Variants in SEC16A observed in about 807,000 individuals in gnomAD.
The protein encoded by SEC16A is protein transport protein Sec16A.
SEC16A carries 110 observed loss-of-function variants against 221.9 expected under a neutral mutation model. The ratio of observed to expected loss-of-function variants is 0.50; its 90% confidence interval spans 0.42 to 0.58. The LOEUF (loss-of-function observed/expected upper bound fraction) is 0.58. Among genes scored for constraint, SEC16A ranks in the 20% least tolerant of loss-of-function variants. SEC16A has a pLI of 0.00. For missense variants in SEC16A, 3,165 were observed against 3,097.8 expected (o/e 1.02, Z -0.52); for synonymous variants, 1,393 against 1,257.7 (o/e 1.11, Z -2.28).
At position 136,445,630 on chromosome 9, in the gene SEC16A, G is replaced by A. The variant is rs1361392745; in HGVS notation, c.6867+15C>T. The A allele has an allele frequency of 1.0e-5, 16 of 1,546,170 alleles. No individual in the cohort carries two copies. The highest frequency in any genetic ancestry group is 7.3e-5 in the East Asian group (3 of 40,900). ...GGCCTGGGCTGCGGGGGGCCCTGGCGTCGGCACTCCTTACCTCTCCTCCCT... is the reference window on the plus strand; with the variant it reads ...GGCCTGGGCTGCGGGGGGCCCTGGCATCGGCACTCCTTACCTCTCCTCCCT... On this transcript the variant is annotated intron_variant, in intron 29 of 31. Transcript: ENST00000684901.
At chr9:136,445,496 T>TC in intron 29 of SEC16A, 149 bp downstream of exon 29, 1 of 661,520 alleles carries the variant, frequency 1.5e-6, no homozygotes, top group East Asian at 2.8e-5. Flanking sequence ...CAATTTTTTT[T>TC]CCCCCAGGAA....
In SEC16A at chr9:136,456,162, G is replaced by C; in HGVS notation, c.5555C>G (p.Ala1852Gly). 1 of 1,611,376 alleles carries C rather than the reference G, an allele frequency of 6.2e-7. No individual in the cohort carries two copies. The highest frequency in any genetic ancestry group is 8.5e-7 in the Non-Finnish European group (1 of 1,179,172). The change falls in exon 19 of 32, where the codon GCT becomes GGT. Residue 1852 changes from alanine to glycine, a missense_variant. Around this residue, in one of 3 missense-constraint regions of SEC16A, gnomAD observed 1,088 missense variants for 1,089.6 expected, o/e 1.00. Transcript: ENST00000684901. ...GGGATCGAAGAGTCGTAACTGGGAA[G>C]CCATCTAGACACGGGCAAAAATCAA... ...PVLISQLVQM[A>G]SQLRLFDPQL...
rs73670276 is a variant in SEC16A, at chr9:136,461,356, C to A, written c.4894-82G>T. 172 of 997,408 alleles carry A rather than the reference C, an allele frequency of 1.7e-4. No individual in the cohort carries two copies. The African/African-American group carries it at 2.4e-3, about 14-fold the overall frequency. The allele number at this position is 997,408 out of a possible 1,614,324, so 61.8% of individuals were successfully genotyped here. On this transcript the variant is annotated intron_variant, in intron 12 of 31. Coordinates refer to ENST00000684901, the MANE Select transcript of SEC16A (RefSeq NM_014866.2). ...AGTCAAGACAGGCCATGTGTCCTCA[C>A]GCAGCAGCAGATACACAAACAACCC...
rs768367824 is a variant in SEC16A at position 136,445,011 on chromosome 9, C to T, written c.6927+41G>A. 4.5e-6 allele frequency: 7 copies of T among 1,571,440 alleles called. No individual in the cohort carries two copies. The Admixed American group carries it at 7.2e-5, about 16-fold the overall frequency. ...CGTGCTCAGGAACACAGGCGGCACACGCCAGCTCTCATGTTAGTGAGGACC... is the reference window on the plus strand; with the variant it reads ...CGTGCTCAGGAACACAGGCGGCACATGCCAGCTCTCATGTTAGTGAGGACC... On this transcript the variant is annotated intron_variant, in intron 30 of 31. Transcript: ENST00000684901.
Position 136,471,988 on chromosome 9 carries a change from G to T in SEC16A, c.3691C>A (p.Arg1231=). 1.2e-6 allele frequency: 2 copies of T among 1,612,126 alleles called. No individual in the cohort carries two copies. Among genetic ancestry groups the T allele is most frequent in the Admixed American group, 1.7e-5 (1 of 60,024 alleles). Reference sequence around the variant, plus strand: ...GCGCGGCCGCACCTGGGAGGTGGCCGTTCCGAGGAGTGGCTGGCTCGGGAG... The same window carrying T: ...GCGCGGCCGCACCTGGGAGGTGGCCTTTCCGAGGAGTGGCTGGCTCGGGAG... The part of the protein sequence containing the change: ...PSSRASHSSE[R]PPPRQGYPEG... Residue 1231 remains arginine (R), a synonymous_variant, in exon 4 of 32, where the codon CGG becomes AGG. Coordinates refer to ENST00000684901, the MANE Select transcript of SEC16A (RefSeq NM_014866.2).
In SEC16A at chr9:136,461,248, A is replaced by G; in HGVS notation, c.4920T>C (p.Asn1640=). 6.2e-7 allele frequency: 1 copy of G among 1,608,392 alleles called. No homozygotes were observed. Among genetic ancestry groups the G allele is most frequent in the Non-Finnish European group, 8.5e-7 (1 of 1,177,506 alleles). The change falls in exon 13 of 32, where the codon AAT becomes AAC. Residue 1640 remains asparagine (N), a synonymous_variant. Coordinates refer to ENST00000684901, the MANE Select transcript of SEC16A (RefSeq NM_014866.2). ...KKDALESAMK[N]GLWGHALLLA... is the part of the protein sequence containing the mutation. Reference sequence around the variant, plus strand: ...GTAGCAGAGCGTGACCCCACAGGCCATTCTTCATTGCAGACTCCAAAGCAT... The same window carrying G: ...GTAGCAGAGCGTGACCCCACAGGCCGTTCTTCATTGCAGACTCCAAAGCAT...
chr9:136,453,513 G>A lies in SEC16A; in HGVS notation c.6077-3C>T, dbSNP rs765129925. 6.2e-7 allele frequency: 1 copy of A among 1,611,030 alleles called. No individual in the cohort carries two copies. Among genetic ancestry groups the A allele is most frequent in the Admixed American group, 1.7e-5 (1 of 59,990 alleles). On this transcript the variant is annotated splice_polypyrimidine_tract_variant and splice_region_variant and intron_variant, in intron 21 of 31. Coordinates refer to ENST00000684901, the MANE Select transcript of SEC16A (RefSeq NM_014866.2). ...AGGCGCCTCCTGCGGCACTATCCCT[G>A]TCAACGGGAAAGAGAGCAACTATGA...
rs756283646 is a variant in SEC16A at position 136,474,137 on chromosome 9, T to C, written c.3479A>G (p.Tyr1160Cys). The change falls in exon 3 of 32, where the codon TAC (tyrosine) becomes TGC (cysteine). Residue 1160 changes from tyrosine (Y) to cysteine (C), a missense_variant. Physicochemically the swap from Tyr to Cys is radical, Grantham distance 194. Transcript: ENST00000684901. The stretch of plus-strand genomic sequence containing the variant: ...GGCATCGTACAAAGGCCGGTAGTAG[T>C]AGTAGGCGGCCAGGTCCTGAGGCGG... ...GPPPQDLAAY[Y>C]YYRPLYDAYQ... The C allele has an allele frequency of 2.5e-6, 4 of 1,613,098 alleles. No individual in the cohort carries two copies. Among genetic ancestry groups the C allele is most frequent in the Non-Finnish European group, 3.4e-6 (4 of 1,179,854 alleles).
At position 136,451,381 on chromosome 9, in the gene SEC16A, C is replaced by G. The variant is rs765784078; in HGVS notation, c.6187G>C (p.Glu2063Gln). 3.3e-5 allele frequency: 53 copies of G among 1,611,608 alleles called. No individual in the cohort carries two copies. The highest frequency in any genetic ancestry group is 4.5e-5 in the Non-Finnish European group (53 of 1,179,004). The change falls in exon 23 of 32, where the codon GAG becomes CAG. Residue 2063 changes from glutamate to glutamine, a missense_variant. Transcript: ENST00000684901. ...LTPSRTVPDS[E>Q]APPGWDRADS... is the part of the protein sequence containing the mutation. ...GCACGATCCCACCCTGGGGGGGCCT[C>G]CGAGTCTGGCACCGTCCTCGAGGGG...
At chr9:136,464,587 G>GA (rs1163646634) in intron 8 of SEC16A, 25 bp from the exon 9 acceptor site, 1 of 1,582,862 alleles carries the variant, frequency 6.3e-7, no homozygotes, top group Admixed American at 1.7e-5. Context: ...AATTGAAAAA[G>GA]AAACAATCAG....
In SEC16A at chr9:136,460,042, C is replaced by T. The variant is rs994463764; in HGVS notation, c.5073G>A (p.Thr1691=). Residue 1691 remains threonine, a splice_region_variant and synonymous_variant, in exon 14 of 32, where the codon ACG becomes ACA. Transcript: ENST00000684901. ...CAAGCCACCAGGCAGTGCCACTCAC[C>T]GTGGACGCGGCAGGCATCCGTCCGG... is the stretch of plus-strand genomic sequence containing the variant. ...LMSGRMPAAS[T]CCGDEKWGDW... is the part of the protein sequence containing the mutation. The T allele has an allele frequency of 6.2e-6, 10 of 1,600,530 alleles. No individual in the cohort carries two copies. Among genetic ancestry groups the T allele is most frequent in the Middle Eastern group, 3.3e-4 (2 of 6,078 alleles).
chr9:136,460,189 A>C, intron 13 of SEC16A, 66 bp from the exon 14 acceptor site: 6 of 1,327,228 alleles, frequency 4.5e-6, no homozygotes, highest in Non-Finnish European at 6.4e-6. Context: ...CCGGCCGGAC[A>C]TGATGGCTCA....
rs763970156 is a variant in SEC16A at position 136,459,794 on chromosome 9, G to A, written c.5154C>T (p.Val1718=). ...CCATGGTAGCCATCGTCCTGGACTC[G>A]ACGTCCATGTTGTTGTTCAAGTTGG... ...VLSNLNNNMD[V]ESRTMATMGD... Residue 1718 remains valine (V), a synonymous_variant, in exon 15 of 32, where the codon GTC becomes GTT. Transcript: ENST00000684901. The surrounding 1 kb of genome is among the most constrained non-coding windows in gnomAD (Gnocchi z 6.1). 2.0e-5 allele frequency: 33 copies of A among 1,612,452 alleles called. 1 individual carries two copies. In the South Asian group the frequency reaches 2.8e-4, roughly 13 times the overall value.
rs1214965435 is a variant in SEC16A, at chr9:136,476,406, A to T, written c.1210T>A (p.Cys404Ser). Residue 404 changes from cysteine to serine, a missense_variant, in exon 3 of 32, where the codon TGC becomes AGC. By Grantham distance (112) the Cys-to-Ser change is moderately radical (BLOSUM62 -1). Coordinates refer to ENST00000684901, the MANE Select transcript of SEC16A (RefSeq NM_014866.2). ...LSGQADFDDF[C>S]SSPGLGRPPA... ...GGACGGCCTAGCCCAGGGCTGGAGCAGAAATCGTCAAAGTCCGCTTGACCA... is the reference window on the plus strand; with the variant it reads ...GGACGGCCTAGCCCAGGGCTGGAGCTGAAATCGTCAAAGTCCGCTTGACCA... 6.2e-7 allele frequency: 1 copy of T among 1,612,846 alleles called. No individual in the cohort carries two copies. The highest frequency in any genetic ancestry group is 8.5e-7 in the Non-Finnish European group (1 of 1,179,880).
chr9:136,454,476 A>G, intron 20 of SEC16A, 149 bp from the exon 21 acceptor site: 3 of 787,960 alleles, frequency 3.8e-6, no homozygotes, highest in Non-Finnish European at 6.5e-6. Flanking sequence ...GAAAGCCTGA[A>G]GCCACCACCC....
In SEC16A at chr9:136,459,767, G is replaced by A. The variant is rs375424055; in HGVS notation, c.5181C>T (p.Gly1727=). Residue 1727 remains glycine, a synonymous_variant, in exon 15 of 32, where the codon GGC becomes GGT. Transcript: ENST00000684901. The surrounding 1 kb of genome is among the most constrained non-coding windows in gnomAD (Gnocchi z 6.1). ...CCACCCCTGACCTACCCAGAGTGTC[G>A]CCCATGGTAGCCATCGTCCTGGACT... ...DVESRTMATM[G]DTLASRGLLD... is the part of the protein sequence containing the mutation. 471 of 1,608,780 alleles carry A rather than the reference G, an allele frequency of 2.9e-4. No individual in the cohort carries two copies. The highest frequency in any genetic ancestry group is 1.3e-3 in the East Asian group (57 of 44,720).
chr9:136,444,913 C>T lies in SEC16A; in HGVS notation c.6927+139G>A, dbSNP rs761589763. The stretch of plus-strand genomic sequence containing the variant: ...AAAAAAAAAAAAAAGGAACCCTGTA[C>T]CCTTGGTCACGTGACGCTGAGGGAG... On this transcript the variant is annotated intron_variant, in intron 30 of 31. Coordinates refer to ENST00000684901, the MANE Select transcript of SEC16A (RefSeq NM_014866.2). The T allele has an allele frequency of 8.2e-5, 52 of 631,050 alleles. 1 individual carries two copies. In the Middle Eastern group the frequency reaches 2.7e-3, roughly 33 times the overall value. 39.1% of individuals were successfully genotyped at this position (631,050 alleles called of 1,614,324 possible).
chr9:136,476,567 G>A lies in SEC16A; in HGVS notation c.1049C>T (p.Pro350Leu). ...GDSPENRTHH[P>L]LGAGAGSGCA... is the part of the protein sequence containing the mutation. Reference sequence around the variant, plus strand: ...GCCAGACCCGGCCCCAGCCCCCAGTGGGTGGTGCGTACGGTTTTCTGGGCT... The same window carrying A: ...GCCAGACCCGGCCCCAGCCCCCAGTAGGTGGTGCGTACGGTTTTCTGGGCT... The change falls in exon 3 of 32, where the codon CCA (proline) becomes CTA (leucine). Residue 350 changes from proline (P) to leucine (L), a missense_variant. By Grantham distance (98) the Pro-to-Leu change is moderately conservative. Coordinates refer to ENST00000684901, the MANE Select transcript of SEC16A (RefSeq NM_014866.2). 1.2e-6 allele frequency: 2 copies of A among 1,610,264 alleles called. No individual in the cohort carries two copies. The highest frequency in any genetic ancestry group is 1.7e-6 in the Non-Finnish European group (2 of 1,177,466).
rs1340164708 is a variant in SEC16A at position 136,463,596 on chromosome 9, T to C, written c.4514A>G (p.Asp1505Gly). The change falls in exon 11 of 32, where the codon GAC becomes GGC. Residue 1505 changes from aspartate (D) to glycine (G), a missense_variant. By Grantham distance (94) the Asp-to-Gly change is moderately conservative (BLOSUM62 -1). Coordinates refer to ENST00000684901, the MANE Select transcript of SEC16A (RefSeq NM_014866.2). ...ATTAATGACATCCACCTTATGGGTGTCGTCTCTGCAGAAAGAACACACAGT... is the reference window on the plus strand; with the variant it reads ...ATTAATGACATCCACCTTATGGGTGCCGTCTCTGCAGAAAGAACACACAGT... ...RAFPGPLAKDDTHKVDVINFA... is the reference protein window; with the variant it reads ...RAFPGPLAKDGTHKVDVINFA... 1 of 1,613,796 alleles carries C rather than the reference T, an allele frequency of 6.2e-7. No individual in the cohort carries two copies. Among genetic ancestry groups the C allele is most frequent in the Non-Finnish European group, 8.5e-7 (1 of 1,179,812 alleles).
Sources: gnomAD v4.1 joint callset for allele counts on GRCh38, gnomAD v4.1.1 for gene constraint, gnomAD v4.1.1 regional missense constraint, Gnocchi (gnomAD v3.1) non-coding constraint, MANE v1.5 for transcripts, NCBI Gene and HGNC (gene_info 2026-07-23, HGNC 2026-07-21) for gene names.